Variants in FLNB observed in about 807,000 individuals in gnomAD.
FLNB encodes filamin B.
FLNB carries 111 observed loss-of-function variants against 250.6 expected under a neutral mutation model. That is an observed-to-expected ratio of 0.44 (90% CI 0.38 to 0.52). The LOEUF is 0.52. FLNB is among the 20% of genes least tolerant of loss of function. The pLI is 0.00. For missense variants in FLNB, 2,869 were observed against 3,447.8 expected (o/e 0.83, Z 4.20); for synonymous variants, 1,302 against 1,372.1 (o/e 0.95, Z 1.13).
intron 19 of FLNB, among the ~76,000 whole-genome samples, chr3:58,119,673 A>T (rs545491548): frequency 1.3e-5 from 2 of 152,362 alleles, no homozygotes; most frequent in East Asian, 3.9e-4. Flanking sequence ...TGATTTTTTT[A>T]TACAAGTAAA....
At chr3:58,109,142 A>G (rs774008658) in intron 13 of FLNB, 37 bp from the exon 14 acceptor site, 1 of 1,613,896 alleles carries the variant, frequency 6.2e-7, no homozygotes, top group African/African-American at 1.3e-5. Flanking sequence ...AGACAGTGTG[A>G]GGGCCACCTC....
chr3:58,087,043 G>A (rs2097218464), intron 4 of FLNB, among the ~76,000 whole-genome samples: 1 of 152,164 alleles, frequency 6.6e-6, no homozygotes, highest in Non-Finnish European at 1.5e-5. Flanking sequence ...CCTGGGAGGT[G>A]GAGGTTGCAG....
chr3:58,054,758 C>T (rs2097167690), intron 1 of FLNB, among the ~76,000 whole-genome samples: 1 of 152,094 alleles, frequency 6.6e-6, no homozygotes, highest in Non-Finnish European at 1.5e-5. Flanking sequence ...ATAGCCAAGC[C>T]ACATCAGTGT....
At chr3:58,064,340 C>T (rs895600879) in intron 1 of FLNB, among the ~76,000 whole-genome samples, 2 of 152,084 alleles carry the variant, frequency 1.3e-5, no homozygotes, top group African/African-American at 4.8e-5. Flanking sequence ...GGGGTTTCAC[C>T]ATGGCTGGTC....
intron 28 of FLNB, among the ~76,000 whole-genome samples, chr3:58,136,532 T>C (rs923702452): frequency 6.6e-6 from 1 of 152,126 alleles, no homozygotes; most frequent in Non-Finnish European, 1.5e-5. Context: ...CTTTTATGAG[T>C]AGATAGTTAC....
In FLNB at chr3:58,164,966, T is replaced by G. The variant is rs1423902760; in HGVS notation, c.7198+1636T>G. 6.6e-6 allele frequency: 1 copy of G among 152,386 alleles called. No homozygotes were observed. Among genetic ancestry groups the G allele is most frequent in the African/African-American group, 2.4e-5 (1 of 41,442 alleles). 9.4% of individuals were successfully genotyped at this position (152,386 alleles called of 1,614,324 possible). A position where few individuals can be genotyped will look rare whatever the true frequency, so the allele number is the denominator to read the frequency against. On this transcript the variant is annotated intron_variant, in intron 43 of 45. Transcript: ENST00000295956. This position sits in a 1 kb window ranked among gnomAD's most constrained non-coding sequence, Gnocchi z 4.0. Reference sequence around the variant, plus strand: ...AAGTGGCTGGCTCACCCAGAGGCAGTGACTGCATCCCCAGCCCACTTTGGG... The same window carrying G: ...AAGTGGCTGGCTCACCCAGAGGCAGGGACTGCATCCCCAGCCCACTTTGGG...
chr3:58,037,383 G>C (rs1035584367), intron 1 of FLNB, among the ~76,000 whole-genome samples: 1 of 152,162 alleles, frequency 6.6e-6, no homozygotes, highest in South Asian at 2.1e-4. Context: ...AGTCATTTTA[G>C]CCTGCAATGC....
chr3:58,067,627 C>T (rs1230450825), intron 1 of FLNB, among the ~76,000 whole-genome samples: 8 of 146,322 alleles, frequency 5.5e-5, no homozygotes, highest in South Asian at 2.1e-4. Context: ...GACAGAATCT[C>T]GCTCTGTCGC....
chr3:58,108,878 A>T (rs533097970), intron 13 of FLNB, among the ~76,000 whole-genome samples: 1 of 152,342 alleles, frequency 6.6e-6, no homozygotes, highest in South Asian at 2.1e-4. Flanking sequence ...GTAAACAAGG[A>T]TTTAAAAAGT....
rs1477426858 is a variant in FLNB at position 58,093,652 on chromosome 3, CACACACA to C, written c.788-1183_788-1177del. ...TTATGTTCACACACACACACACACACACACACACCCCTATGCACAGATGTTTACAGCA... is the reference window on the plus strand; with the variant it reads ...TTATGTTCACACACACACACACACACCCCCTATGCACAGATGTTTACAGCA... On this transcript the variant is annotated intron_variant, in intron 4 of 45. Coordinates refer to ENST00000295956, the MANE Select transcript of FLNB (RefSeq NM_001457.4). Among the ~76,000 whole-genome samples, 59 of 152,016 alleles carry C rather than the reference CACACACA, an allele frequency of 3.9e-4. 1 individual carries two copies. In the South Asian group the frequency reaches 9.4e-3, roughly 24 times the overall value.
At chr3:58,106,374 A>ATATATATATATATATATATATATC (rs1339422161) in intron 11 of FLNB, among the ~76,000 whole-genome samples, 3 of 136,880 alleles carry the variant, frequency 2.2e-5, no homozygotes, top group African/African-American at 8.4e-5. Flanking sequence ...ATATATATAT[A>ATATATATATATATATATATATATC]TATCCTCCTG....
At chr3:58,056,109 T>TTTA (rs1441050424) in intron 1 of FLNB, among the ~76,000 whole-genome samples, 2,823 of 125,758 alleles carry the variant, frequency 0.022, 33 homozygotes, top group Middle Eastern at 0.076. Flanking sequence ...TTATTTATTT[T>TTTA]TTTTTTTTTT....
Position 58,146,021 on chromosome 3 carries a change from C to T in FLNB, c.5526C>T (p.Phe1842=), listed in dbSNP as rs760143294. ...VYGVANKTAT[F]TIVTEDAGEG... The stretch of plus-strand genomic sequence containing the variant: ...GAGTGGCCAACAAAACTGCCACCTT[C>T]ACCATCGTCACAGAGGATGCAGGAG... Residue 1842 remains phenylalanine (F), a synonymous_variant, in exon 33 of 46, where the codon TTC becomes TTT. Coordinates refer to ENST00000295956, the MANE Select transcript of FLNB (RefSeq NM_001457.4). 8.7e-6 allele frequency: 14 copies of T among 1,614,106 alleles called. No individual in the cohort carries two copies. In the African/African-American group the frequency reaches 1.5e-4, roughly 17 times the overall value.
chr3:58,068,525 TG>T (rs1428525984), intron 1 of FLNB, among the ~76,000 whole-genome samples: 1 of 152,180 alleles, frequency 6.6e-6, no homozygotes, highest in Non-Finnish European at 1.5e-5. Flanking sequence ...GGCTAGGTTT[TG>T]ACTGAGGAAC....
chr3:58,008,682 C>T lies in FLNB; in HGVS notation c.118C>T (p.Leu40=), dbSNP rs751263946. ...LKCVNKRIGN[L]QTDLSDGLRL... is the part of the protein sequence containing the mutation. ...GTGCGTGAACAAACGCATCGGCAAC[C>T]TGCAGACCGACCTGAGCGACGGGCT... Residue 40 remains leucine (L), a synonymous_variant, in exon 1 of 46, where the codon CTG becomes TTG. Coordinates refer to ENST00000295956, the MANE Select transcript of FLNB (RefSeq NM_001457.4). 2 of 1,614,178 alleles carry T rather than the reference C, an allele frequency of 1.2e-6. No individual in the cohort carries two copies. The highest frequency in any genetic ancestry group is 1.3e-5 in the African/African-American group (1 of 75,064).
At chr3:58,014,480 G>A (rs1351342263) in intron 1 of FLNB, among the ~76,000 whole-genome samples, 4 of 152,238 alleles carry the variant, frequency 2.6e-5, no homozygotes, top group Admixed American at 6.5e-5. Flanking sequence ...CAGCAACGGC[G>A]GAGCCAGCAT....
At chr3:58,152,804 T>A (rs761735049) in intron 38 of FLNB, 1 of 1,272,830 alleles carries the variant, frequency 7.9e-7, no homozygotes, top group Admixed American at 2.1e-5. Context: ...GTGCCCCGCA[T>A]GCGGCCGCCT....
At chr3:58,085,743 A>G (rs2097216309) in intron 4 of FLNB, among the ~76,000 whole-genome samples, 1 of 152,188 alleles carries the variant, frequency 6.6e-6, no homozygotes, top group East Asian at 1.9e-4. Context: ...ACTGTAGAGC[A>G]ATCCTTAAGC....
intron 44 of FLNB, 24 bp downstream of exon 44, chr3:58,168,682 T>C: frequency 6.6e-7 from 1 of 1,520,076 alleles, no homozygotes; most frequent in Non-Finnish European, 9.1e-7. Flanking sequence ...ACCTTCGGAG[T>C]TACTCTCCCT....
Sources: gnomAD v4.1 joint callset for allele counts (sites outside exome capture counted in the v4.1 genomes callset) on GRCh38, gnomAD v4.1.1 for gene constraint, Gnocchi (gnomAD v3.1) non-coding constraint, MANE v1.5 for transcripts, NCBI Gene and HGNC (gene_info 2026-07-23, HGNC 2026-07-21) for gene names.